Variants in GCM1 observed in about 807,000 individuals in gnomAD.
The protein encoded by GCM1 is chorion-specific transcription factor GCMa.
A neutral mutation model predicts 25.7 loss-of-function variants in GCM1; 2 were observed. That is an observed-to-expected ratio of 0.08 (90% confidence interval 0.03 to 0.24). The LOEUF is 0.24. Among genes scored for constraint, GCM1 ranks in the 10% least tolerant of loss-of-function variants. The probability of loss-of-function intolerance (pLI) is 1.00; values close to 1 mark genes in which losing one functional copy is unlikely to be tolerated. For synonymous variants in GCM1, 183 were observed against 195.7 expected (o/e 0.94, Z 0.54); for missense variants, 395 against 538.7 (o/e 0.73, Z 2.64).
chr6:53,130,085 G>C (rs981416337), intron 5 of GCM1, among the ~76,000 whole-genome samples: 1 of 151,924 alleles, frequency 6.6e-6, no homozygotes, highest in Non-Finnish European at 1.5e-5. Flanking sequence ...GGGTTTGGGG[G>C]GCTTGCATTT....
intron 2 of GCM1, among the ~76,000 whole-genome samples, chr6:53,136,862 G>C (rs1763806783): frequency 1.3e-5 from 2 of 152,094 alleles, no homozygotes; most frequent in Admixed American, 1.3e-4. Context: ...AGTAATCCTT[G>C]CTTCTTGGGA....
rs1373908705 is a variant in GCM1 at position 53,128,331 on chromosome 6, G to A, written c.1186C>T (p.His396Tyr). 7.4e-6 allele frequency: 12 copies of A among 1,613,936 alleles called. No homozygotes were observed. Among genetic ancestry groups the A allele is most frequent in the Non-Finnish European group, 1.0e-5 (12 of 1,179,932 alleles). The part of the protein sequence containing the change: ...EDPFLFTYAS[H>Y]PHQQYSLPSK... ...GGCAGTGAATATTGCTGATGAGGAT[G>A]AGAGGCGTAGGTGAAGAGAAAGGGG... The change falls in exon 6 of 6, where the codon CAT becomes TAT. Residue 396 changes from histidine to tyrosine, a missense_variant. Physicochemically the swap from His to Tyr is moderately conservative, Grantham distance 83. Around this residue, in one of 5 missense-constraint regions of GCM1, gnomAD observed 291 missense variants for 314.6 expected, o/e 0.92. Transcript: ENST00000259803.
intron 2 of GCM1, among the ~76,000 whole-genome samples, chr6:53,142,023 AAAAAAAAAAAAAAAAAAACAG>A (rs1562090899): frequency 1.4e-5 from 2 of 139,146 alleles, no homozygotes; most frequent in Non-Finnish European, 3.1e-5. Flanking sequence ...AAAAAAAAAA[AAAAAAAAAAAAAAAAAAACAG>A]AAAGAAAAAG....
chr6:53,145,706 G>C lies in GCM1; in HGVS notation c.-74C>G, dbSNP rs1763944570. On this transcript the variant is annotated 5_prime_UTR_variant, in exon 2 of 6. Transcript: ENST00000259803. ...AATGCTTGAGAATTTTGTTCTCAAA[G>C]GTTCTTGATATAGCTGGATCGGCCC... The C allele has an allele frequency of 4.7e-6, 4 of 858,610 alleles. No homozygotes were observed. In the African/African-American group the frequency reaches 6.7e-5, roughly 14 times the overall value. The allele number at this position is 858,610 out of a possible 1,614,324, so 53.2% of individuals were successfully genotyped here. A position where few individuals can be genotyped will look rare whatever the true frequency, so the allele number is the denominator to read the frequency against.
At chr6:53,140,230 C>T (rs777311543) in intron 2 of GCM1, among the ~76,000 whole-genome samples, 3 of 152,124 alleles carry the variant, frequency 2.0e-5, no homozygotes, top group African/African-American at 4.8e-5. Context: ...ACAATGACAA[C>T]GTGACCTGCT....
intron 2 of GCM1, among the ~76,000 whole-genome samples, chr6:53,144,640 C>T (rs1280037776): frequency 5.3e-5 from 8 of 151,380 alleles, no homozygotes; most frequent in Admixed American, 5.3e-4. Flanking sequence ...CACACACACA[C>T]ACAAGTACAA....
chr6:53,147,722 C>A (rs1333558144), intron 1 of GCM1, among the ~76,000 whole-genome samples: 1 of 152,058 alleles, frequency 6.6e-6, no homozygotes, highest in Non-Finnish European at 1.5e-5. Flanking sequence ...AGCCACTGTG[C>A]CCGGCCTGTT....
intron 3 of GCM1, among the ~76,000 whole-genome samples, chr6:53,132,813 G>C (rs1031878779): frequency 2.0e-5 from 3 of 152,196 alleles, no homozygotes; most frequent in Admixed American, 2.0e-4. Flanking sequence ...TTTCACAGAG[G>C]TGTAAATGAC....
chr6:53,141,673 C>A (rs531685951), intron 2 of GCM1, among the ~76,000 whole-genome samples: 5 of 150,380 alleles, frequency 3.3e-5, no homozygotes, highest in African/African-American at 7.4e-5. Flanking sequence ...GGCAGCAGAG[C>A]GAGACTCTGT....
chr6:53,139,492 T>A (rs1763843412), intron 2 of GCM1, among the ~76,000 whole-genome samples: 2 of 30,682 alleles, frequency 6.5e-5, no homozygotes, highest in South Asian at 2.4e-3. Context: ...AAGACCCCCA[T>A]CTCAAAAAAA....
intron 2 of GCM1, among the ~76,000 whole-genome samples, chr6:53,144,612 CA>C (rs1353289113): frequency 9.9e-6 from 1 of 101,280 alleles, no homozygotes; most frequent in Non-Finnish European, 2.0e-5. Flanking sequence ...GGCAACATAG[CA>C]AAGCCCTGAC....
Position 53,128,332 on chromosome 6 carries a change from A to C in GCM1, c.1185T>G (p.Ser395=). 6.2e-7 allele frequency: 1 copy of C among 1,614,098 alleles called. No homozygotes were observed. Among genetic ancestry groups the C allele is most frequent in the Non-Finnish European group, 8.5e-7 (1 of 1,179,984 alleles). Residue 395 remains serine (S), a synonymous_variant, in exon 6 of 6, where the codon TCT becomes TCG. Transcript: ENST00000259803. ...QEDPFLFTYA[S]HPHQQYSLPS... is the part of the protein sequence containing the mutation. ...GCAGTGAATATTGCTGATGAGGATGAGAGGCGTAGGTGAAGAGAAAGGGGT... is the reference window on the plus strand; with the variant it reads ...GCAGTGAATATTGCTGATGAGGATGCGAGGCGTAGGTGAAGAGAAAGGGGT...
intron 2 of GCM1, 109 bp from the exon 3 acceptor site, chr6:53,134,433 A>G (rs575368727): frequency 1.9e-6 from 2 of 1,069,712 alleles, no homozygotes; most frequent in Non-Finnish European, 2.8e-6. Flanking sequence ...GGAGCTGGGC[A>G]AGAGACCTTT....
chr6:53,128,862 T>G lies in GCM1; in HGVS notation c.655A>C (p.Ser219Arg), dbSNP rs747852377. 32 of 1,612,244 alleles carry G rather than the reference T, an allele frequency of 2.0e-5. No individual in the cohort carries two copies. The highest frequency in any genetic ancestry group is 2.6e-5 in the Non-Finnish European group (31 of 1,178,426). Residue 219 changes from serine to arginine, a missense_variant, in exon 6 of 6, where the codon AGT becomes CGT. By Grantham distance (110) the Ser-to-Arg change is moderately radical (BLOSUM62 -1). Around this residue, in one of 5 missense-constraint regions of GCM1, gnomAD observed 291 missense variants for 314.6 expected, o/e 0.92. Coordinates refer to ENST00000259803, the MANE Select transcript of GCM1 (RefSeq NM_003643.4). Reference sequence around the variant, plus strand: ...GGAGTGTTAGCTATTAAATGTCCACTGTAACTACCAGGCAATTGGACGCCT... The same window carrying G: ...GGAGTGTTAGCTATTAAATGTCCACGGTAACTACCAGGCAATTGGACGCCT... The part of the protein sequence containing the change: ...QEGVQLPGSY[S>R]GHLIANTPQQ...
At chr6:53,140,454 C>CA (rs1363475385) in intron 2 of GCM1, among the ~76,000 whole-genome samples, 1 of 144,650 alleles carries the variant, frequency 6.9e-6, no homozygotes, top group Non-Finnish European at 1.5e-5. Flanking sequence ...AATCATAGTC[C>CA]AGGAATGAAC....
chr6:53,132,245 T>C, intron 3 of GCM1, 126 bp from the exon 4 acceptor site: 3 of 675,558 alleles, frequency 4.4e-6, no homozygotes, highest in Non-Finnish European at 8.0e-6. Context: ...CAGAGTTTCA[T>C]GGGCTGAAAT....
At chr6:53,146,630 T>C (rs1222294479) in intron 1 of GCM1, among the ~76,000 whole-genome samples, 1 of 152,260 alleles carries the variant, frequency 6.6e-6, no homozygotes, top group African/African-American at 2.4e-5. Context: ...AATATGCTTA[T>C]ATCTGATTAA....
intron 1 of GCM1, among the ~76,000 whole-genome samples, chr6:53,148,282 A>G (rs986027686): frequency 2.0e-5 from 3 of 152,204 alleles, no homozygotes; most frequent in African/African-American, 7.2e-5. Context: ...ATTGGAATAG[A>G]TCTACTTTTT....
At chr6:53,147,618 G>T (rs889323265) in intron 1 of GCM1, among the ~76,000 whole-genome samples, 1 of 151,474 alleles carries the variant, frequency 6.6e-6, no homozygotes, top group Non-Finnish European at 1.5e-5. Context: ...CAGTAGAGAT[G>T]GGGTTTCACC....
Sources: gnomAD v4.1 joint callset for allele counts (sites outside exome capture counted in the v4.1 genomes callset) on GRCh38, gnomAD v4.1.1 for gene constraint, gnomAD v4.1.1 regional missense constraint, MANE v1.5 for transcripts, NCBI Gene and HGNC (gene_info 2026-07-23, HGNC 2026-07-21) for gene names.